Variants in CWC27 observed in about 807,000 individuals in gnomAD.
The protein encoded by CWC27 is CWC27 spliceosome associated cyclophilin, also known as spliceosome-associated protein CWC27 homolog.
Under a neutral mutation model 63.6 loss-of-function variants are expected in CWC27, and 47 were observed. That is an observed-to-expected ratio of 0.74 (90% CI 0.58 to 0.94). The LOEUF is 0.94. Among genes scored for constraint, CWC27 ranks in the 40% least tolerant of loss-of-function variants. The pLI, the probability that CWC27 is intolerant of heterozygous loss-of-function variation, is 0.00. For missense variants in CWC27, 495 were observed against 554.3 expected, an observed-to-expected ratio of 0.89 and a Z score of 1.07; for synonymous variants, 175 against 179.8, an observed-to-expected ratio of 0.97 and a Z score of 0.22.
chr5:65,018,261 G>A lies in CWC27; in HGVS notation c.1359G>A (p.Val453=), dbSNP rs1277611687. The part of the protein sequence containing the change: ...TFEIYDPRNP[V]NKRRREESKK... ...AAATCTATGATCCTCGGAATCCAGT[G>A]AATAAAAGAAGGAGGGAAGAAAGCA... is the stretch of plus-strand genomic sequence containing the variant. Residue 453 remains valine, a synonymous_variant, in exon 14 of 14, where the codon GTG becomes GTA. Transcript: ENST00000381070. The A allele has an allele frequency of 1.2e-6, 2 of 1,607,204 alleles. No homozygotes were observed. Among genetic ancestry groups the A allele is most frequent in the Non-Finnish European group, 1.7e-6 (2 of 1,177,512 alleles).
chr5:64,957,073 A>G (rs1748815752), intron 11 of CWC27, among the ~76,000 whole-genome samples: 1 of 152,192 alleles, frequency 6.6e-6, no homozygotes, highest in South Asian at 2.1e-4. Context: ...CACACATGCA[A>G]GTATTTTAAG....
At chr5:64,816,637 C>T (rs150954900) in intron 10 of CWC27, among the ~76,000 whole-genome samples, 5 of 152,220 alleles carry the variant, frequency 3.3e-5, no homozygotes, top group African/African-American at 1.2e-4. Context: ...GCTTGAAATG[C>T]CTACCTCTGG....
At chr5:64,972,111 G>A (rs1749138037) in intron 12 of CWC27, among the ~76,000 whole-genome samples, 1 of 152,056 alleles carries the variant, frequency 6.6e-6, no homozygotes. Flanking sequence ...TGGAACCTCT[G>A]TGTAGTGAAT....
intron 9 of CWC27, 65 bp from the exon 10 acceptor site, chr5:64,804,164 A>G: frequency 6.9e-7 from 1 of 1,442,634 alleles, no homozygotes; most frequent in Middle Eastern, 1.9e-4. Context: ...AGTGGATGCA[A>G]TAGATCTCTA....
intron 8 of CWC27, 82 bp downstream of exon 8, chr5:64,800,409 C>T: frequency 9.8e-7 from 1 of 1,020,516 alleles, no homozygotes; most frequent in South Asian, 1.6e-5. Context: ...AGTAAACAGT[C>T]AGTCCTCATA....
At chr5:64,933,740 C>T (rs565740211) in intron 11 of CWC27, among the ~76,000 whole-genome samples, 2 of 152,288 alleles carry the variant, frequency 1.3e-5, no homozygotes, top group Admixed American at 1.3e-4. Flanking sequence ...ATCCACCCAC[C>T]TCTGCCTCCC....
intron 11 of CWC27, among the ~76,000 whole-genome samples, chr5:64,959,492 T>G (rs1748863107): frequency 6.6e-6 from 1 of 152,188 alleles, no homozygotes; most frequent in African/African-American, 2.4e-5. Flanking sequence ...CAGTAGCTCC[T>G]CAGGAGAGAT....
intron 13 of CWC27, among the ~76,000 whole-genome samples, chr5:64,983,572 C>A (rs1749366474): frequency 6.6e-6 from 1 of 152,108 alleles, no homozygotes. Flanking sequence ...ATCTATAGGT[C>A]CTGGGAAGCT....
At chr5:64,786,995 T>C (rs752326721) in intron 6 of CWC27, among the ~76,000 whole-genome samples, 1 of 152,180 alleles carries the variant, frequency 6.6e-6, no homozygotes, top group Non-Finnish European at 1.5e-5. Flanking sequence ...AGTCACCTTC[T>C]TCACAAGGCA....
At chr5:64,805,781 G>A (rs1372708253) in intron 10 of CWC27, among the ~76,000 whole-genome samples, 15 of 151,992 alleles carry the variant, frequency 9.9e-5, no homozygotes. Context: ...CATTTTTAAT[G>A]TACCTTTCAT....
intron 13 of CWC27, among the ~76,000 whole-genome samples, chr5:65,014,708 G>C (rs7702147): frequency 1.3e-5 from 2 of 152,170 alleles, no homozygotes; most frequent in South Asian, 2.1e-4. Context: ...TGTAAAGTGC[G>C]GGCATGCTTT....
intron 10 of CWC27, among the ~76,000 whole-genome samples, chr5:64,876,440 G>A (rs751147982): frequency 6.6e-6 from 1 of 152,072 alleles, no homozygotes; most frequent in Non-Finnish European, 1.5e-5. Context: ...TTGGGAAATA[G>A]CAGGCTTAAA....
At chr5:64,914,955 T>A (rs1747862088) in intron 11 of CWC27, among the ~76,000 whole-genome samples, 1 of 152,134 alleles carries the variant, frequency 6.6e-6, no homozygotes, top group African/African-American at 2.4e-5. Context: ...TGTAGATAAA[T>A]CTTACAAACA....
intron 12 of CWC27, among the ~76,000 whole-genome samples, chr5:64,972,462 T>C (rs2112443022): frequency 6.6e-6 from 1 of 152,208 alleles, no homozygotes; most frequent in Non-Finnish European, 1.5e-5. Flanking sequence ...ACTGAAATCA[T>C]TTATTTTTGG....
chr5:64,853,020 C>T (rs188956702), intron 10 of CWC27, among the ~76,000 whole-genome samples: 11 of 152,276 alleles, frequency 7.2e-5, no homozygotes, highest in Admixed American at 2.6e-4. Context: ...GCATTCTCCC[C>T]TAACTCCTTA....
intron 11 of CWC27, among the ~76,000 whole-genome samples, chr5:64,898,759 G>A (rs116361539): frequency 0.03 from 4,592 of 152,246 alleles, 164 homozygotes; most frequent in African/African-American, 0.087. Flanking sequence ...TTCAGGGTGA[G>A]CACTTCAGGA....
chr5:64,897,768 T>C (rs1231167906), intron 11 of CWC27, among the ~76,000 whole-genome samples: 4 of 151,926 alleles, frequency 2.6e-5, no homozygotes, highest in Non-Finnish European at 4.4e-5. Context: ...AATTGGACAA[T>C]CAAATCGTTA....
At chr5:65,008,366 G>C (rs1318500334) in intron 13 of CWC27, among the ~76,000 whole-genome samples, 1 of 152,184 alleles carries the variant, frequency 6.6e-6, no homozygotes, top group Admixed American at 6.5e-5. Context: ...ATCTTTCCCA[G>C]TCAGATAGAT....
intron 13 of CWC27, among the ~76,000 whole-genome samples, chr5:65,005,827 G>A (rs1580777980): frequency 1.3e-5 from 2 of 152,098 alleles, no homozygotes; most frequent in East Asian, 1.9e-4. Context: ...AATTACATTT[G>A]ATAGTTATAA....
Sources: allele counts gnomAD v4.1 joint callset (sites outside exome capture counted in the v4.1 genomes callset), GRCh38; gene constraint gnomAD v4.1.1; transcripts MANE v1.5; gene names NCBI Gene and HGNC (gene_info 2026-07-23, HGNC 2026-07-21).